Variants in EIF2AK3 observed in about 807,000 individuals in gnomAD.
EIF2AK3 encodes the protein eukaryotic translation initiation factor 2-alpha kinase 3.
Under a neutral mutation model 113.5 loss-of-function variants are expected in EIF2AK3, and 50 were observed. The observed-to-expected ratio is 0.44, with a 90% confidence interval of 0.35 to 0.56. EIF2AK3 has a LOEUF of 0.56. Ranked by LOEUF, EIF2AK3 falls within the 20% of genes least tolerant of loss-of-function variation. EIF2AK3 has a pLI of 0.00. For synonymous variants in EIF2AK3, 448 were observed against 495.4 expected, an observed-to-expected ratio of 0.90 and a Z score of 1.27; for missense variants, 1,185 against 1,378.0, an observed-to-expected ratio of 0.86 and a Z score of 2.22.
rs1674294893 is a variant in EIF2AK3, at chr2:88,571,071, G to C, written c.2818-30C>G. The C allele has an allele frequency of 6.2e-6, 10 of 1,613,526 alleles. No individual in the cohort carries two copies. The East Asian group carries it at 1.8e-4, about 29-fold the overall frequency. ...AAAGAATACAACAGACAAAAGTACA[G>C]TGGGTGTGCATGGAGGCGAAAAAGT... On this transcript the variant is annotated intron_variant, in intron 13 of 16. Transcript: ENST00000303236.
intron 2 of EIF2AK3, among the ~76,000 whole-genome samples, chr2:88,599,268 C>T (rs1424944531): frequency 6.6e-6 from 1 of 152,034 alleles, no homozygotes; most frequent in African/African-American, 2.4e-5. Flanking sequence ...ATATACCTTA[C>T]CTAATATTAC....
chr2:88,609,945 CAAAAAAAAA>C (rs71378880), intron 2 of EIF2AK3, among the ~76,000 whole-genome samples: 6 of 38,824 alleles, frequency 1.5e-4, no homozygotes, highest in African/African-American at 3.8e-4. Flanking sequence ...TCCATCTCTA[CAAAAAAAAA>C]AAAAAAAAAA....
Position 88,557,794 on chromosome 2 carries a change from G to A in EIF2AK3, c.3293C>T (p.Ser1098Leu), listed in dbSNP as rs770232594. ...LRQRSRSLSS[S>L]GTKHSRQSNN... ...GGACTGTCTTGAATGTTTTGTTCCC[G>A]ATGAACTCAAGGAGCGAGACCTCTG... Residue 1098 changes from serine (S) to leucine (L), a missense_variant, in exon 17 of 17, where the codon TCG becomes TTG. By Grantham distance (145) the Ser-to-Leu change is moderately radical (BLOSUM62 -2). Coordinates refer to ENST00000303236, the MANE Select transcript of EIF2AK3 (RefSeq NM_004836.7). 1.8e-5 allele frequency: 29 copies of A among 1,614,104 alleles called. No homozygotes were observed. Among genetic ancestry groups the A allele is most frequent in the Middle Eastern group, 1.6e-4 (1 of 6,062 alleles).
chr2:88,563,053 G>C (rs781139617), intron 14 of EIF2AK3, among the ~76,000 whole-genome samples: 5 of 152,154 alleles, frequency 3.3e-5, no homozygotes, highest in Non-Finnish European at 5.9e-5. Context: ...AGAACTACTC[G>C]ACTAAAGAAA....
In EIF2AK3 at chr2:88,595,593, C is replaced by T. The variant is rs752167830; in HGVS notation, c.509G>A (p.Ser170Asn). ...AACTGTGAAAGGAACTGTTTCCATG[C>T]TTTCACGGTCTTGGTCCCACTGGAA... ...ALFQWDQDRE[S>N]METVPFTVES... The change falls in exon 3 of 17, where the codon AGC (serine) becomes AAC (asparagine). Residue 170 changes from serine (S) to asparagine (N), a missense_variant. Transcript: ENST00000303236. 3.1e-6 allele frequency: 5 copies of T among 1,613,964 alleles called. No individual in the cohort carries two copies. Among genetic ancestry groups the T allele is most frequent in the Non-Finnish European group, 4.2e-6 (5 of 1,179,960 alleles).
intron 2 of EIF2AK3, among the ~76,000 whole-genome samples, chr2:88,606,637 A>G (rs1002368013): frequency 1.2e-4 from 19 of 152,250 alleles, no homozygotes; most frequent in African/African-American, 4.3e-4. Context: ...AAGTAAGAGA[A>G]GCTTTAAAAG....
At chr2:88,566,631 G>A (rs1476571702) in intron 14 of EIF2AK3, among the ~76,000 whole-genome samples, 1 of 152,066 alleles carries the variant, frequency 6.6e-6, no homozygotes, top group Non-Finnish European at 1.5e-5. Flanking sequence ...CTATTGACCT[G>A]ATAGTTATTT....
intron 11 of EIF2AK3, 85 bp downstream of exon 11, chr2:88,579,433 C>T (rs1674542709): frequency 6.5e-7 from 1 of 1,549,818 alleles, no homozygotes; most frequent in Non-Finnish European, 8.9e-7. Flanking sequence ...ATGGTGTTTA[C>T]AGAGTACAGT....
At chr2:88,628,068 G>A (rs1675923406), upstream of EIF2AK3, 1 of 152,576 alleles carries the variant, frequency 6.6e-6, no homozygotes, top group Middle Eastern at 3.4e-3. Flanking sequence ...AGGGTAAGGA[G>A]GATGCAGGAG....
rs141179551 is a variant in EIF2AK3 at position 88,575,775 on chromosome 2, G to A, written c.2037-329C>T. On this transcript the variant is annotated intron_variant, in intron 12 of 16. Coordinates refer to ENST00000303236, the MANE Select transcript of EIF2AK3 (RefSeq NM_004836.7). ...CTTAAAATTAACCTAAAAGGGCAGC[G>A]CCTCACAAGGCCTTGAGACATGGGG... Among the ~76,000 whole-genome samples, 68 of 152,274 alleles carry A rather than the reference G, an allele frequency of 4.5e-4. 1 individual carries two copies. The highest frequency in any genetic ancestry group is 1.6e-3 in the African/African-American group (65 of 41,554).
rs1573407609 is a variant in EIF2AK3 at position 88,593,214 on chromosome 2, T to C, written c.767+58A>G. 3 of 1,600,170 alleles carry C rather than the reference T, an allele frequency of 1.9e-6. No homozygotes were observed. The East Asian group carries it at 6.7e-5, about 36-fold the overall frequency. ...TCTCCACAAACAGAAATCTGATAAA[T>C]TTTGGTATTAGGTGTATTTCTAAAT... On this transcript the variant is annotated intron_variant, in intron 4 of 16. Transcript: ENST00000303236.
chr2:88,581,042 A>G (rs1434626976), intron 10 of EIF2AK3, among the ~76,000 whole-genome samples: 2 of 152,154 alleles, frequency 1.3e-5, no homozygotes, highest in African/African-American at 4.8e-5. Context: ...AACATCTTAT[A>G]TGTGATTACA....
chr2:88,558,869 G>A (rs770872586), intron 16 of EIF2AK3, 48 bp downstream of exon 16: 15 of 1,450,536 alleles, frequency 1.0e-5, no homozygotes, highest in Middle Eastern at 1.8e-4. Flanking sequence ...GACCGCTTAC[G>A]TTCTAAAGAT....
chr2:88,595,259 A>C (rs1350789318), intron 3 of EIF2AK3, among the ~76,000 whole-genome samples: 1 of 151,374 alleles, frequency 6.6e-6, no homozygotes, highest in Non-Finnish European at 1.5e-5. Context: ...CATATTTATG[A>C]ATTCTCTTCC....
At chr2:88,620,625 T>C (rs1045079946) in intron 1 of EIF2AK3, among the ~76,000 whole-genome samples, 1 of 152,256 alleles carries the variant, frequency 6.6e-6, no homozygotes, top group Non-Finnish European at 1.5e-5. Context: ...CCTGGAGCCC[T>C]GGCTTAGGAA....
At position 88,557,428 on chromosome 2, in the gene EIF2AK3, A is replaced by C. The variant is rs1208427233; in HGVS notation, c.*308T>G. ...ATATATCCATTTTAGTTCTCACTAT[A>C]TATATATATTAGGGATTGCTGCTAC... On this transcript the variant is annotated 3_prime_UTR_variant, in exon 17 of 17. Coordinates refer to ENST00000303236, the MANE Select transcript of EIF2AK3 (RefSeq NM_004836.7). 7.8e-6 allele frequency: 3 copies of C among 386,754 alleles called. No individual in the cohort carries two copies. Among genetic ancestry groups the C allele is most frequent in the African/African-American group, 4.1e-5 (2 of 48,816 alleles). 24.0% of individuals were successfully genotyped at this position (386,754 alleles called of 1,614,324 possible). A position where few individuals can be genotyped will look rare whatever the true frequency, so the allele number is the denominator to read the frequency against.
intron 6 of EIF2AK3, among the ~76,000 whole-genome samples, chr2:88,589,547 GGGT>G (rs1558654430): frequency 1.3e-5 from 2 of 151,572 alleles, no homozygotes; most frequent in East Asian, 3.9e-4. Context: ...AAAGAGGGGA[GGGT>G]CACAAACTAA....
intron 2 of EIF2AK3, among the ~76,000 whole-genome samples, chr2:88,611,204 G>A (rs572094710): frequency 7.9e-5 from 12 of 152,240 alleles, no homozygotes; most frequent in African/African-American, 1.9e-4. Context: ...AGGCAATCTC[G>A]GGCTCAGTTC....
chr2:88,595,397 A>G, intron 3 of EIF2AK3, 72 bp downstream of exon 3: 1 of 1,383,458 alleles, frequency 7.2e-7, no homozygotes, highest in South Asian at 1.2e-5. Context: ...TAATAAGTGT[A>G]GTTTAATAAA....
Sources: allele counts gnomAD v4.1 joint callset (sites outside exome capture counted in the v4.1 genomes callset), GRCh38; gene constraint gnomAD v4.1.1; transcripts MANE v1.5; gene names NCBI Gene and HGNC (gene_info 2026-07-23, HGNC 2026-07-21).